TEX9: variants seen among roughly 807,000 people sequenced by gnomAD.
TEX9 encodes the protein testis expressed 9, also known as testis-expressed protein 9.
Under a neutral mutation model 59.6 loss-of-function variants are expected in TEX9, and 74 were observed. The observed-to-expected ratio is 1.24, with a 90% confidence interval of 1.03 to 1.51. TEX9 has a LOEUF of 1.51. TEX9 is among the 40% of genes most tolerant of loss of function. The pLI is 0.00. For synonymous variants in TEX9, 186 were observed against 152.2 expected (o/e 1.22, Z -1.64); for missense variants, 522 against 447.8 (o/e 1.17, Z -1.49).
At chr15:56,347,006 T>A (rs1220272858) in intron 1 of TEX9, among the ~76,000 whole-genome samples, 1 of 152,218 alleles carries the variant, frequency 6.6e-6, no homozygotes, top group African/African-American at 2.4e-5. Context: ...AAGAAATACT[T>A]AGGTGTAAAT....
At chr15:56,318,413 T>C (rs896848414) in intron 1 of TEX9, among the ~76,000 whole-genome samples, 2 of 152,146 alleles carry the variant, frequency 1.3e-5, no homozygotes, top group Admixed American at 6.5e-5. Flanking sequence ...GTGCATCATA[T>C]TGTAGGCAGC....
At chr15:56,255,378 T>C (rs1490001643) in intron 1 of TEX9, among the ~76,000 whole-genome samples, 1 of 152,008 alleles carries the variant, frequency 6.6e-6, no homozygotes, top group African/African-American at 2.4e-5. Flanking sequence ...TGTGTGTATA[T>C]GATAAACACA....
intron 3 of TEX9, among the ~76,000 whole-genome samples, chr15:56,377,102 C>G (rs2047493530): frequency 1.3e-5 from 2 of 152,036 alleles, no homozygotes; most frequent in Non-Finnish European, 1.5e-5. Context: ...CTATTCTGTT[C>G]CATTGGTCTG....
rs753609729 is a variant in TEX9 at position 56,394,540 on chromosome 15, ATTTG to A, written c.655-117_655-114del. 4 of 784,398 alleles carry A rather than the reference ATTTG, an allele frequency of 5.1e-6. No homozygotes were observed. The East Asian group carries it at 8.4e-5, about 17-fold the overall frequency. The allele number at this position is 784,398 out of a possible 1,614,324, so 48.6% of individuals were successfully genotyped here. ...CATTTTTGAAGATAAAAATAGACTA[ATTTG>A]TTTTTCATGAAACGTGTATAAATAT... On this transcript the variant is annotated intron_variant, in intron 8 of 12. Transcript: ENST00000352903.
At chr15:56,349,075 A>C (rs2046527118) in intron 1 of TEX9, among the ~76,000 whole-genome samples, 1 of 152,110 alleles carries the variant, frequency 6.6e-6, no homozygotes, top group Non-Finnish European at 1.5e-5. Flanking sequence ...ACTGCTTTAA[A>C]TTCCTTGTTG....
At chr15:56,293,060 T>C (rs1596069800) in intron 1 of TEX9, among the ~76,000 whole-genome samples, 1 of 152,068 alleles carries the variant, frequency 6.6e-6, no homozygotes, top group East Asian at 1.9e-4. Context: ...CTTGGCCAGG[T>C]GCAGTGGCTC....
At chr15:56,352,051 A>C (rs2046593353) in intron 1 of TEX9, among the ~76,000 whole-genome samples, 2 of 152,228 alleles carry the variant, frequency 1.3e-5, no homozygotes, top group Non-Finnish European at 2.9e-5. Flanking sequence ...TTTTGGTCTA[A>C]AGATATCCTT....
chr15:56,360,576 T>C (rs1378780546), upstream of TEX9, among the ~76,000 whole-genome samples: 1 of 152,204 alleles, frequency 6.6e-6, no homozygotes. Context: ...ATGTTGGTAC[T>C]GTATTGTTTA....
At chr15:56,252,322 C>T (rs2044041053) in intron 1 of TEX9, among the ~76,000 whole-genome samples, 1 of 151,558 alleles carries the variant, frequency 6.6e-6, no homozygotes, top group Admixed American at 6.6e-5. Context: ...ATACTATAGT[C>T]ACTCCCACAA....
intron 1 of TEX9, among the ~76,000 whole-genome samples, chr15:56,266,914 A>G (rs1337617689): frequency 6.6e-6 from 1 of 152,172 alleles, no homozygotes; most frequent in Admixed American, 6.5e-5. Context: ...GTCGTCCATA[A>G]TGGTTGAACT....
exon 10 of TEX9, chr15:56,412,381 T>C (rs764409635): frequency 8.1e-6 from 13 of 1,613,172 alleles, no homozygotes; most frequent in Non-Finnish European, 1.1e-5. Context: ...AATAGAGCTC[T>C]AGAAGAAGCA....
At chr15:56,285,843 T>G (rs920907740) in intron 1 of TEX9, among the ~76,000 whole-genome samples, 3 of 152,096 alleles carry the variant, frequency 2.0e-5, no homozygotes, top group Non-Finnish European at 4.4e-5. Flanking sequence ...GAGAGCAAAC[T>G]AAATGACAAG....
intron 4 of TEX9, 117 bp downstream of exon 4, chr15:56,384,148 A>G (rs1225766251): frequency 2.7e-6 from 2 of 743,188 alleles, no homozygotes; most frequent in Non-Finnish European, 4.4e-6. Context: ...TAATGTATAT[A>G]TAGGGGGCTT....
chr15:56,395,222 CATATA>C (rs1441297049), intron 9 of TEX9: 5 of 200,174 alleles, frequency 2.5e-5, no homozygotes, highest in African/African-American at 1.2e-4. Flanking sequence ...TACGTGGAAT[CATATA>C]ATATGTGGTC....
At chr15:56,399,436 C>G (rs2048658571) in intron 9 of TEX9, among the ~76,000 whole-genome samples, 1 of 152,212 alleles carries the variant, frequency 6.6e-6, no homozygotes, top group African/African-American at 2.4e-5. Flanking sequence ...GAGGCTTGAG[C>G]AGGTAAACAA....
At chr15:56,405,325 A>G (rs1488545826) in intron 9 of TEX9, among the ~76,000 whole-genome samples, 2 of 151,780 alleles carry the variant, frequency 1.3e-5, no homozygotes, top group African/African-American at 2.4e-5. Flanking sequence ...AAAAAAAAAA[A>G]AAAGGAAACT....
At chr15:56,446,696 A>T, downstream of TEX9, 1 of 606,890 alleles carries the variant, frequency 1.6e-6, no homozygotes, top group Non-Finnish European at 2.8e-6. Flanking sequence ...AGGATTTTCT[A>T]CATCTTAAGG....
chr15:56,259,785 T>C (rs2141339338), intron 1 of TEX9, among the ~76,000 whole-genome samples: 1 of 152,190 alleles, frequency 6.6e-6, no homozygotes, highest in East Asian at 1.9e-4. Flanking sequence ...GTTAGGATCT[T>C]GACTGGGATT....
intron 1 of TEX9, among the ~76,000 whole-genome samples, chr15:56,358,827 G>A (rs569276614): frequency 1.3e-5 from 2 of 152,176 alleles, no homozygotes; most frequent in Non-Finnish European, 2.9e-5. Flanking sequence ...GATAGTGAGT[G>A]ATGTCTCATG....
Sources: allele counts gnomAD v4.1 joint callset (sites outside exome capture counted in the v4.1 genomes callset), GRCh38; gene constraint gnomAD v4.1.1; transcripts MANE v1.5; gene names NCBI Gene and HGNC (gene_info 2026-07-23, HGNC 2026-07-21).